CHST12: variants seen among roughly 807,000 people sequenced by gnomAD.
The protein encoded by CHST12 is carbohydrate (chondroitin 4) sulfotransferase 12.
A neutral mutation model predicts 27.9 loss-of-function variants in CHST12; 23 were observed. That is an observed-to-expected ratio of 0.82 (90% CI 0.59 to 1.17). The LOEUF (loss-of-function observed/expected upper bound fraction) is 1.17. Among genes scored for constraint, CHST12 ranks in the 50% most tolerant of loss-of-function variants. The pLI is 0.00. For synonymous variants in CHST12, 322 were observed against 273.0 expected (o/e 1.18, Z -1.77); for missense variants, 682 against 603.0 (o/e 1.13, Z -1.37).
rs1258559537 is a variant in CHST12 at position 2,437,611 on chromosome 7, T to G, written c.*3727T>G. The G allele has an allele frequency of 3.3e-5, 5 of 152,130 alleles. No individual in the cohort carries two copies. The highest frequency in any genetic ancestry group is 3.3e-4 in the Admixed American group (5 of 15,234). The allele number at this position is 152,130 out of a possible 1,614,324, so 9.4% of individuals were successfully genotyped here. A position where few individuals can be genotyped will look rare whatever the true frequency, so the allele number is the denominator to read the frequency against. ...TCTTGATGGAGGGCAAGGGTTAGGA[T>G]TTCAGTTTATCTTCCCGGTGAGGTC... On this transcript the variant is annotated 3_prime_UTR_variant, in exon 2 of 2. Coordinates refer to ENST00000618655, the MANE Select transcript of CHST12 (RefSeq NM_018641.5).
intron 1 of CHST12, 60 bp from the exon 2 acceptor site, chr7:2,432,497 TCAGAAG>T: frequency 1.0e-6 from 1 of 966,220 alleles, no homozygotes; most frequent in Non-Finnish European, 1.5e-6. Context: ...CCCCCACTGA[TCAGAAG>T]GCAGGAGTCA....
intron 1 of CHST12, among the ~76,000 whole-genome samples, chr7:2,405,168 G>C (rs1335121780): frequency 6.6e-6 from 1 of 152,166 alleles, no homozygotes; most frequent in Non-Finnish European, 1.5e-5. Flanking sequence ...TGGAAGGCCG[G>C]GCGAGGTGGC....
intron 1 of CHST12, among the ~76,000 whole-genome samples, chr7:2,420,797 A>G (rs1781953791): frequency 6.6e-6 from 1 of 152,168 alleles, no homozygotes. Flanking sequence ...GAAAAGAACA[A>G]CAACCTTGCT....
At chr7:2,414,004 CG>C (rs549933100) in intron 1 of CHST12, among the ~76,000 whole-genome samples, 6 of 152,016 alleles carry the variant, frequency 3.9e-5, no homozygotes, top group Non-Finnish European at 8.8e-5. Flanking sequence ...GCTGGGATTA[CG>C]GGCATGAGCC....
In CHST12 at chr7:2,435,679, G is replaced by A. The variant is rs1782455512; in HGVS notation, c.*1795G>A. On this transcript the variant is annotated 3_prime_UTR_variant, in exon 2 of 2. Coordinates refer to ENST00000618655, the MANE Select transcript of CHST12 (RefSeq NM_018641.5). ...GTTGGGACATACCCTGGTGTCCTCT[G>A]TGTGTGGTGTCCCTGTGTTTCCCAG... The A allele has an allele frequency of 1.3e-5, 2 of 152,422 alleles. No individual in the cohort carries two copies. Among genetic ancestry groups the A allele is most frequent in the Non-Finnish European group, 1.5e-5 (1 of 68,176 alleles). 9.4% of individuals were successfully genotyped at this position (152,422 alleles called of 1,614,324 possible). A position where few individuals can be genotyped will look rare whatever the true frequency, so the allele number is the denominator to read the frequency against.
chr7:2,422,249 CT>C (rs1249680114), intron 1 of CHST12, among the ~76,000 whole-genome samples: 198 of 145,428 alleles, frequency 1.4e-3, no homozygotes, highest in Non-Finnish European at 1.1e-3. Flanking sequence ...CTTTTTCTTT[CT>C]TTTTTTTTTT....
intron 1 of CHST12, among the ~76,000 whole-genome samples, chr7:2,405,512 G>C (rs1443588971): frequency 6.6e-6 from 1 of 152,182 alleles, no homozygotes; most frequent in Non-Finnish European, 1.5e-5. Flanking sequence ...TTATCCCTTT[G>C]GTGGTGGTTT....
At chr7:2,429,548 C>T (rs549396646) in intron 1 of CHST12, among the ~76,000 whole-genome samples, 1 of 152,098 alleles carries the variant, frequency 6.6e-6, no homozygotes, top group African/African-American at 2.4e-5. Flanking sequence ...TTTTAAGGAG[C>T]TTTTACGTTA....
In CHST12 at chr7:2,434,011, G is replaced by C; in HGVS notation, c.*127G>C. 1.5e-6 allele frequency: 1 copy of C among 683,536 alleles called. No homozygotes were observed. The highest frequency in any genetic ancestry group is 2.5e-6 in the Non-Finnish European group (1 of 402,324). The allele number at this position is 683,536 out of a possible 1,614,324, so 42.3% of individuals were successfully genotyped here. A position where few individuals can be genotyped will look rare whatever the true frequency, so the allele number is the denominator to read the frequency against. Reference sequence around the variant, plus strand: ...CCACTGCCTCTATCCATTGAGTACTGTATCGATATTGTTTTTTAAGATTAA... The same window carrying C: ...CCACTGCCTCTATCCATTGAGTACTCTATCGATATTGTTTTTTAAGATTAA... On this transcript the variant is annotated 3_prime_UTR_variant, in exon 2 of 2. Coordinates refer to ENST00000618655, the MANE Select transcript of CHST12 (RefSeq NM_018641.5).
chr7:2,441,272 G>A lies in CHST12; in HGVS notation c.*7388G>A, dbSNP rs527408486. The stretch of plus-strand genomic sequence containing the variant: ...TGCTCACCGCAGACCCAGGGGCCCA[G>A]GAGGAGCGGACTAGGACCGGCAGTG... On this transcript the variant is annotated 3_prime_UTR_variant, in exon 2 of 2. Transcript: ENST00000618655. 3 of 152,374 alleles carry A rather than the reference G, an allele frequency of 2.0e-5. No homozygotes were observed. The highest frequency in any genetic ancestry group is 2.1e-4 in the South Asian group (1 of 4,828). The allele number at this position is 152,374 out of a possible 1,614,324, so 9.4% of individuals were successfully genotyped here.
chr7:2,431,416 T>C (rs977735153), intron 1 of CHST12, among the ~76,000 whole-genome samples: 2 of 152,362 alleles, frequency 1.3e-5, no homozygotes, highest in Admixed American at 1.3e-4. Context: ...CCTCACGCCA[T>C]GTCATGGGTG....
Position 2,447,046 on chromosome 7 carries a change from G to A in CHST12, c.*13162G>A, listed in dbSNP as rs1043505393. Reference sequence around the variant, plus strand: ...TGGGTCCCAGCGATCCAGCCCTGATGTGCTGAGGGTGCAGGGCCCAGCTGC... The same window carrying A: ...TGGGTCCCAGCGATCCAGCCCTGATATGCTGAGGGTGCAGGGCCCAGCTGC... On this transcript the variant is annotated 3_prime_UTR_variant, in exon 2 of 2. Transcript: ENST00000618655. 4 of 152,320 alleles carry A rather than the reference G, an allele frequency of 2.6e-5. No homozygotes were observed. The highest frequency in any genetic ancestry group is 5.9e-5 in the Non-Finnish European group (4 of 68,102). The allele number at this position is 152,320 out of a possible 1,614,324, so 9.4% of individuals were successfully genotyped here. A position where few individuals can be genotyped will look rare whatever the true frequency, so the allele number is the denominator to read the frequency against.
rs564426341 is a variant in CHST12, at chr7:2,443,362, A to G, written c.*9478A>G. ...TGATCTGCCCGCCTCGGCCTCCCAA[A>G]GTGTTGGGATTACAGGTGTGAGCCA... On this transcript the variant is annotated 3_prime_UTR_variant, in exon 2 of 2. Coordinates refer to ENST00000618655, the MANE Select transcript of CHST12 (RefSeq NM_018641.5). The G allele has an allele frequency of 6.6e-6, 1 of 152,288 alleles. No homozygotes were observed. Among genetic ancestry groups the G allele is most frequent in the African/African-American group, 2.4e-5 (1 of 41,526 alleles). The allele number at this position is 152,288 out of a possible 1,614,324, so 9.4% of individuals were successfully genotyped here.
At chr7:2,412,989 C>T (rs4719530) in intron 1 of CHST12, among the ~76,000 whole-genome samples, 26,569 of 151,834 alleles carry the variant, frequency 0.17, 2,831 homozygotes, top group African/African-American at 0.3. Flanking sequence ...ATATTTGAGC[C>T]TGATGAAGAC....
At position 2,437,743 on chromosome 7, in the gene CHST12, C is replaced by T. The variant is rs1415370492; in HGVS notation, c.*3859C>T. 2 of 152,012 alleles carry T rather than the reference C, an allele frequency of 1.3e-5. No homozygotes were observed. Among genetic ancestry groups the T allele is most frequent in the Admixed American group, 1.3e-4 (2 of 15,240 alleles). 9.4% of individuals were successfully genotyped at this position (152,012 alleles called of 1,614,324 possible). Reference sequence around the variant, plus strand: ...ACACACACACGCGCGCACACACACACACACACACACACTCTCTCTCACACA... The same window carrying T: ...ACACACACACGCGCGCACACACACATACACACACACACTCTCTCTCACACA... On this transcript the variant is annotated 3_prime_UTR_variant, in exon 2 of 2. Transcript: ENST00000618655.
chr7:2,445,245 C>T lies in CHST12; in HGVS notation c.*11361C>T. 6.6e-6 allele frequency: 1 copy of T among 152,344 alleles called. No individual in the cohort carries two copies. The allele number at this position is 152,344 out of a possible 1,614,324, so 9.4% of individuals were successfully genotyped here. On this transcript the variant is annotated 3_prime_UTR_variant, in exon 2 of 2. Transcript: ENST00000618655. ...GTGAGTGGACGTAGGGTGGGCAGGG[C>T]CACCCTTGTCCTGGGATGTTGTGGA...
rs758878945 is a variant in CHST12 at position 2,435,036 on chromosome 7, C to G, written c.*1152C>G. The G allele has an allele frequency of 6.6e-6, 1 of 151,920 alleles. No homozygotes were observed. The highest frequency in any genetic ancestry group is 2.1e-4 in the South Asian group (1 of 4,808). The allele number at this position is 151,920 out of a possible 1,614,324, so 9.4% of individuals were successfully genotyped here. On this transcript the variant is annotated 3_prime_UTR_variant, in exon 2 of 2. Coordinates refer to ENST00000618655, the MANE Select transcript of CHST12 (RefSeq NM_018641.5). ...TTCAAGATCAGTTTGGACCACATAG[C>G]GAGACCCTGTGTCTACAAAAAATAA...
Position 2,432,620 on chromosome 7 carries a change from C to T in CHST12, c.-20C>T, listed in dbSNP as rs200893373. 350 of 1,594,134 alleles carry T rather than the reference C, an allele frequency of 2.2e-4. 3 individuals carry two copies. In the East Asian group the frequency reaches 5.7e-3, roughly 26 times the overall value. On this transcript the variant is annotated 5_prime_UTR_variant, in exon 2 of 2. Coordinates refer to ENST00000618655, the MANE Select transcript of CHST12 (RefSeq NM_018641.5). ...GCTGAAGTGAGAGGCCCGGAGAGGG[C>T]CCAGCCCGCCCGGGGCAGGATGACC...
In CHST12 at chr7:2,437,345, C is replaced by T. The variant is rs565196299; in HGVS notation, c.*3461C>T. Reference sequence around the variant, plus strand: ...CTTGGGCTGGGCGGCCTGGCTGCTCCTGGACTCGCCTCCCAGCGTCTGATG... The same window carrying T: ...CTTGGGCTGGGCGGCCTGGCTGCTCTTGGACTCGCCTCCCAGCGTCTGATG... On this transcript the variant is annotated 3_prime_UTR_variant, in exon 2 of 2. Coordinates refer to ENST00000618655, the MANE Select transcript of CHST12 (RefSeq NM_018641.5). 1 of 152,408 alleles carries T rather than the reference C, an allele frequency of 6.6e-6. No homozygotes were observed. Among genetic ancestry groups the T allele is most frequent in the Non-Finnish European group, 1.5e-5 (1 of 68,078 alleles). 9.4% of individuals were successfully genotyped at this position (152,408 alleles called of 1,614,324 possible).
Sources: allele counts gnomAD v4.1 joint callset (sites outside exome capture counted in the v4.1 genomes callset), GRCh38; gene constraint gnomAD v4.1.1; transcripts MANE v1.5; gene names NCBI Gene and HGNC (gene_info 2026-07-23, HGNC 2026-07-21).